Variants in FOXN3 observed in about 807,000 individuals in gnomAD.
The protein encoded by FOXN3 is forkhead box N3.
FOXN3 carries 7 observed loss-of-function variants against 38.4 expected under a neutral mutation model. That is an observed-to-expected ratio of 0.18 (90% CI 0.10 to 0.34). The LOEUF is 0.34. FOXN3 is among the 10% of genes least tolerant of loss of function. The probability of loss-of-function intolerance (pLI) is 1.00; values close to 1 mark genes in which losing one functional copy is unlikely to be tolerated. For missense variants in FOXN3, 456 were observed against 613.4 expected (o/e 0.74, Z 2.71); for synonymous variants, 230 against 242.2 (o/e 0.95, Z 0.47).
At chr14:89,401,710 G>T (rs58300986) in intron 2 of FOXN3, 14,272 of 454,562 alleles carry the variant, frequency 0.031, 421 homozygotes, top group African/African-American at 0.1. Flanking sequence ...TGCTAGGTGG[G>T]TGTTTTCTGT....
chr14:89,415,847 T>TACAC (rs5810462), intron 1 of FOXN3, among the ~76,000 whole-genome samples: 13,917 of 140,390 alleles, frequency 0.099, 840 homozygotes, highest in East Asian at 0.28. Flanking sequence ...AACTTTTCTC[T>TACAC]ACACACACAC....
chr14:89,573,454 A>T (rs1387448579), intron 1 of FOXN3, among the ~76,000 whole-genome samples: 2 of 152,198 alleles, frequency 1.3e-5, no homozygotes, highest in Admixed American at 1.3e-4. Context: ...AAACATACCT[A>T]CTGATTTACT....
At chr14:89,501,071 C>T (rs529516085) in intron 1 of FOXN3, among the ~76,000 whole-genome samples, 1 of 152,264 alleles carries the variant, frequency 6.6e-6, no homozygotes, top group African/African-American at 2.4e-5. Flanking sequence ...GATCGTGTCG[C>T]CTGGAGGATG....
intron 1 of FOXN3, among the ~76,000 whole-genome samples, chr14:89,433,497 CAAAT>C (rs912923008): frequency 2.6e-5 from 4 of 150,958 alleles, no homozygotes; most frequent in Non-Finnish European, 5.9e-5. Flanking sequence ...AACAAACAAA[CAAAT>C]AAATACATAA....
chr14:89,258,957 A>G (rs1046033902), intron 4 of FOXN3, among the ~76,000 whole-genome samples: 2 of 151,598 alleles, frequency 1.3e-5, no homozygotes, highest in African/African-American at 2.4e-5. Context: ...CAACTCACCA[A>G]CTCTGTGTTT....
chr14:89,408,265 G>GA (rs1481625336), intron 2 of FOXN3, among the ~76,000 whole-genome samples: 1 of 151,102 alleles, frequency 6.6e-6, no homozygotes, highest in African/African-American at 2.5e-5. Flanking sequence ...AGGGGCCCAA[G>GA]AAAACGGGAA....
chr14:89,181,669 C>G (rs990436223), intron 4 of FOXN3, among the ~76,000 whole-genome samples: 3 of 152,054 alleles, frequency 2.0e-5, no homozygotes, highest in Non-Finnish European at 4.4e-5. Flanking sequence ...ATTCTCCATA[C>G]AAACTCCAAG....
chr14:89,242,939 CTTAT>C (rs1432891444), intron 4 of FOXN3, among the ~76,000 whole-genome samples: 1 of 152,198 alleles, frequency 6.6e-6, no homozygotes, highest in African/African-American at 2.4e-5. Context: ...AATCGGGGTG[CTTAT>C]TTTTTCTTAA....
At chr14:89,333,749 TAAAAAAA>T (rs57491119) in intron 3 of FOXN3, among the ~76,000 whole-genome samples, 8 of 57,290 alleles carry the variant, frequency 1.4e-4, no homozygotes, top group African/African-American at 3.8e-4. Context: ...GAGAGACTAT[TAAAAAAA>T]AAAAAAAAAA....
chr14:89,302,273 T>C (rs1197617227), intron 3 of FOXN3, among the ~76,000 whole-genome samples: 1 of 152,184 alleles, frequency 6.6e-6, no homozygotes. Context: ...GAAGAGAACA[T>C]AGTTTCAAAA....
chr14:89,215,199 A>T (rs201696893), intron 4 of FOXN3, among the ~76,000 whole-genome samples: 6 of 145,890 alleles, frequency 4.1e-5, no homozygotes, highest in Non-Finnish European at 3.0e-5. Flanking sequence ...AAGGAACCCA[A>T]TTTTTTTTTT....
intron 4 of FOXN3, among the ~76,000 whole-genome samples, chr14:89,261,461 G>C (rs1566941456): frequency 6.6e-6 from 1 of 152,138 alleles, no homozygotes; most frequent in Non-Finnish European, 1.5e-5. Flanking sequence ...CTGCAGTTTG[G>C]GTTTCTTTTC....
Position 89,157,908 on chromosome 14 carries a change from T to C in FOXN3, c.*4506A>G, listed in dbSNP as rs1470034611. On this transcript the variant is annotated 3_prime_UTR_variant, in exon 6 of 6. Transcript: ENST00000557258. ...GAGGAAACACAGAGTTCCAATGTTTTCTTTTGGTGGCAAAAAAAATCCTGA... is the reference window on the plus strand; with the variant it reads ...GAGGAAACACAGAGTTCCAATGTTTCCTTTTGGTGGCAAAAAAAATCCTGA... 6.6e-6 allele frequency: 1 copy of C among 152,614 alleles called. No homozygotes were observed. Among genetic ancestry groups the C allele is most frequent in the Non-Finnish European group, 1.5e-5 (1 of 68,034 alleles). The allele number at this position is 152,614 out of a possible 1,614,324, so 9.5% of individuals were successfully genotyped here.
intron 3 of FOXN3, among the ~76,000 whole-genome samples, chr14:89,345,438 T>TAAC (rs1398743282): frequency 4.6e-5 from 7 of 152,158 alleles, no homozygotes; most frequent in African/African-American, 1.7e-4. Context: ...TCCCTGATGT[T>TAAC]AACACCATAT....
intron 1 of FOXN3, among the ~76,000 whole-genome samples, chr14:89,450,922 A>G (rs1393426715): frequency 2.0e-5 from 3 of 152,340 alleles, no homozygotes; most frequent in Admixed American, 1.3e-4. Flanking sequence ...GGCATGCCAC[A>G]AAGGCCCCCC....
chr14:89,382,052 C>G (rs75570022), intron 2 of FOXN3, among the ~76,000 whole-genome samples: 2,364 of 152,164 alleles, frequency 0.016, 75 homozygotes, highest in African/African-American at 0.055. Flanking sequence ...ACAACCCATT[C>G]ATCACCTTGC....
At chr14:89,541,981 C>T (rs1894797826) in intron 1 of FOXN3, among the ~76,000 whole-genome samples, 1 of 152,044 alleles carries the variant, frequency 6.6e-6, no homozygotes, top group Non-Finnish European at 1.5e-5. Context: ...ATCCAGACCC[C>T]AAGAGAGGGT....
intron 2 of FOXN3, among the ~76,000 whole-genome samples, chr14:89,368,051 G>T (rs7140464): frequency 1.3e-5 from 2 of 151,836 alleles, no homozygotes; most frequent in Admixed American, 6.6e-5. Flanking sequence ...ATCCCAGGCC[G>T]GGCACAGTGG....
At chr14:89,604,178 T>C (rs1246742444) in intron 1 of FOXN3, among the ~76,000 whole-genome samples, 2 of 150,708 alleles carry the variant, frequency 1.3e-5, no homozygotes, top group South Asian at 2.1e-4. Flanking sequence ...TTCCCACTAA[T>C]AGAGTTTCCA....
Sources: allele counts gnomAD v4.1 joint callset (sites outside exome capture counted in the v4.1 genomes callset), GRCh38; gene constraint gnomAD v4.1.1; transcripts MANE v1.5; gene names NCBI Gene and HGNC (gene_info 2026-07-23, HGNC 2026-07-21).